LAPTM4B: variants seen among roughly 807,000 people sequenced by gnomAD.
LAPTM4B encodes the protein lysosomal-associated transmembrane protein 4B.
LAPTM4B carries 26 observed loss-of-function variants against 28.5 expected under a neutral mutation model. The ratio of observed to expected loss-of-function variants is 0.91; its 90% CI spans 0.67 to 1.27. LAPTM4B has a LOEUF of 1.27. LAPTM4B is among the 50% of genes most tolerant of loss of function. The pLI, the probability that LAPTM4B is intolerant of heterozygous loss-of-function variation, is 0.00. For missense variants in LAPTM4B, 288 were observed against 285.8 expected (o/e 1.01, Z -0.06); for synonymous variants, 109 against 106.4 (o/e 1.02, Z -0.15).
intron 6 of LAPTM4B, among the ~76,000 whole-genome samples, chr8:97,843,823 CT>C (rs1817389786): frequency 7.0e-6 from 1 of 143,528 alleles, no homozygotes; most frequent in Non-Finnish European, 1.5e-5. Context: ...AAATCATTTG[CT>C]TACAAAACAG....
chr8:97,834,880 C>G (rs190777839), intron 6 of LAPTM4B, among the ~76,000 whole-genome samples: 9 of 152,216 alleles, frequency 5.9e-5, no homozygotes, highest in Non-Finnish European at 1.3e-4. Context: ...ATCTGGATTT[C>G]TGGGGTTAGA....
chr8:97,815,791 C>T (rs2129791892), intron 3 of LAPTM4B, among the ~76,000 whole-genome samples: 1 of 152,188 alleles, frequency 6.6e-6, no homozygotes, highest in East Asian at 1.9e-4. Context: ...TAGTCTCGAA[C>T]TCCTGACCTT....
At chr8:97,835,296 CCTCTT>C (rs1333331741) in intron 6 of LAPTM4B, among the ~76,000 whole-genome samples, 1 of 152,164 alleles carries the variant, frequency 6.6e-6, no homozygotes, top group African/African-American at 2.4e-5. Context: ...GGTTTTTCCT[CCTCTT>C]CTCTAAAACA....
chr8:97,830,981 A>G (rs1174050678), intron 6 of LAPTM4B, among the ~76,000 whole-genome samples: 1 of 152,186 alleles, frequency 6.6e-6, no homozygotes, highest in Non-Finnish European at 1.5e-5. Flanking sequence ...CAAAGGGGCT[A>G]TACCCTGTGG....
intron 6 of LAPTM4B, among the ~76,000 whole-genome samples, chr8:97,845,721 A>G (rs1469781512): frequency 6.6e-6 from 1 of 152,082 alleles, no homozygotes; most frequent in East Asian, 1.9e-4. Flanking sequence ...ATAAACACAT[A>G]GATGGAAAAT....
At chr8:97,819,282 A>G (rs1430789759) in intron 5 of LAPTM4B, 44 bp downstream of exon 5, 2 of 1,170,454 alleles carry the variant, frequency 1.7e-6, no homozygotes, top group Non-Finnish European at 2.5e-6. Context: ...TATTAAGTGT[A>G]TTCCTGAATA....
intron 1 of LAPTM4B, among the ~76,000 whole-genome samples, chr8:97,783,710 T>A (rs1332644676): frequency 6.6e-6 from 1 of 152,214 alleles, no homozygotes; most frequent in African/African-American, 2.4e-5. Flanking sequence ...GGGTCTCATT[T>A]GCATAACAAG....
chr8:97,810,203 TG>T (rs746058239), intron 2 of LAPTM4B, among the ~76,000 whole-genome samples: 1 of 152,284 alleles, frequency 6.6e-6, no homozygotes, highest in East Asian at 1.9e-4. Context: ...ATTACAGGCA[TG>T]AGCCACCCTA....
intron 1 of LAPTM4B, among the ~76,000 whole-genome samples, chr8:97,798,870 T>C (rs1222799937): frequency 1.3e-5 from 2 of 152,174 alleles, no homozygotes; most frequent in African/African-American, 2.4e-5. Context: ...ATGGATAAGC[T>C]AAAAATAGGA....
Position 97,799,733 on chromosome 8 carries a change from T to C in LAPTM4B, c.100-5620T>C, listed in dbSNP as rs149309055. On this transcript the variant is annotated intron_variant, in intron 1 of 6. Coordinates refer to ENST00000521545, the MANE Select transcript of LAPTM4B (RefSeq NM_018407.6). Reference sequence around the variant, plus strand: ...ATCCTTCCTCAAAACCTTTATGGCATTTTCATTAACTATTAGAATTCCTGT... The same window carrying C: ...ATCCTTCCTCAAAACCTTTATGGCACTTTCATTAACTATTAGAATTCCTGT... Among the ~76,000 whole-genome samples, 1,115 of 152,312 alleles carry C rather than the reference T, an allele frequency of 7.3e-3. 20 individuals carry two copies. Among genetic ancestry groups the C allele is most frequent in the African/African-American group, 0.025 (1,042 of 41,570 alleles).
intron 1 of LAPTM4B, among the ~76,000 whole-genome samples, chr8:97,783,755 C>G (rs1196831414): frequency 1.3e-5 from 2 of 152,162 alleles, no homozygotes; most frequent in African/African-American, 4.8e-5. Flanking sequence ...CCGTCCCTCC[C>G]TCCCATAACC....
intron 6 of LAPTM4B, among the ~76,000 whole-genome samples, chr8:97,848,648 C>T (rs933548597): frequency 6.6e-6 from 1 of 152,168 alleles, no homozygotes; most frequent in Non-Finnish European, 1.5e-5. Flanking sequence ...GGCAAGACCC[C>T]ATCTCTATGT....
At chr8:97,833,627 A>G (rs1333817033) in intron 6 of LAPTM4B, among the ~76,000 whole-genome samples, 3 of 152,174 alleles carry the variant, frequency 2.0e-5, no homozygotes, top group Non-Finnish European at 2.9e-5. Flanking sequence ...CCTCTCATGT[A>G]GTCTTCTGCA....
chr8:97,798,851 A>G (rs922325023), intron 1 of LAPTM4B, among the ~76,000 whole-genome samples: 1 of 152,230 alleles, frequency 6.6e-6, no homozygotes, highest in African/African-American at 2.4e-5. Flanking sequence ...GAGAAGGGTT[A>G]GAGGCCAGAT....
At position 97,775,935 on chromosome 8, in the gene LAPTM4B, C is replaced by A; in HGVS notation, c.-75C>A. Reference sequence around the variant, plus strand: ...GCGGCGGAGGAGCCGGCAGCAGCGGCGCGGCGGGCTCCAGGCGAGGCGGTC... The same window carrying A: ...GCGGCGGAGGAGCCGGCAGCAGCGGAGCGGCGGGCTCCAGGCGAGGCGGTC... On this transcript the variant is annotated 5_prime_UTR_variant, in exon 1 of 7. Transcript: ENST00000521545. 2 of 1,467,288 alleles carry A rather than the reference C, an allele frequency of 1.4e-6. No homozygotes were observed. The highest frequency in any genetic ancestry group is 1.8e-6 in the Non-Finnish European group (2 of 1,117,918). 90.9% of individuals were successfully genotyped at this position (1,467,288 alleles called of 1,614,324 possible). A position where few individuals can be genotyped will look rare whatever the true frequency, so the allele number is the denominator to read the frequency against.
At chr8:97,822,363 C>G (rs1817017194) in intron 5 of LAPTM4B, among the ~76,000 whole-genome samples, 1 of 151,858 alleles carries the variant, frequency 6.6e-6, no homozygotes, top group African/African-American at 2.4e-5. Flanking sequence ...TTAGTCTGAC[C>G]AAGCTAACTC....
chr8:97,818,964 T>TTACCATATACA (rs1816963642), intron 4 of LAPTM4B, among the ~76,000 whole-genome samples, 176 bp from the exon 5 acceptor site: 1 of 152,118 alleles, frequency 6.6e-6, no homozygotes, highest in Non-Finnish European at 1.5e-5. Context: ...TACCGATCAC[T>TTACCATATACA]GACGTCTTTT....
intron 5 of LAPTM4B, among the ~76,000 whole-genome samples, chr8:97,823,059 T>C (rs2129808904): frequency 6.6e-6 from 1 of 152,194 alleles, no homozygotes. Flanking sequence ...GCCAGGGTGG[T>C]CTCTATCTCC....
At chr8:97,799,476 A>G (rs1014344999) in intron 1 of LAPTM4B, among the ~76,000 whole-genome samples, 3 of 152,184 alleles carry the variant, frequency 2.0e-5, no homozygotes, top group South Asian at 2.1e-4. Context: ...ACAGAACAAT[A>G]CAAAAATAAC....
Sources: gnomAD v4.1 joint callset for allele counts (sites outside exome capture counted in the v4.1 genomes callset) on GRCh38, gnomAD v4.1.1 for gene constraint, MANE v1.5 for transcripts, NCBI Gene and HGNC (gene_info 2026-07-23, HGNC 2026-07-21) for gene names.